HDX: variants seen among roughly 807,000 people sequenced by gnomAD.
HDX encodes highly divergent homeobox, also known as chromosome X open reading frame 43.
Under a neutral mutation model 45.2 loss-of-function variants are expected in HDX, and 19 were observed. The observed-to-expected ratio is 0.42, with a 90% CI of 0.29 to 0.62. HDX has a LOEUF of 0.62. Among genes scored for constraint, HDX ranks in the 20% least tolerant of loss-of-function variants. The pLI is 0.20. For missense variants in HDX, 532 were observed against 493.9 expected (o/e 1.08, Z -0.73); for synonymous variants, 188 against 172.8 (o/e 1.09, Z -0.69).
chrX:84,352,350 C>T (rs1045364012), intron 6 of HDX, among the ~76,000 whole-genome samples: 4 of 111,630 alleles, frequency 3.6e-5, no homozygotes, highest in African/African-American at 1.3e-4. Context: ...TTGTACACAC[C>T]AAAGAGAAAA....
At chrX:84,453,756 G>T (rs746942273) in intron 4 of HDX, among the ~76,000 whole-genome samples, 9 of 111,889 alleles carry the variant, frequency 8.0e-5, no homozygotes, top group Non-Finnish European at 1.5e-4. Context: ...CCAAGGGAGT[G>T]CTTGTGCCAG....
Position 84,354,972 on chromosome X carries a change from T to C in HDX, c.1452+6494A>G, listed in dbSNP as rs867125419. Among the ~76,000 whole-genome samples the C allele has an allele frequency of 6.5e-3, 460 of 70,881 alleles. 2 individuals are homozygous for C. Among genetic ancestry groups the C allele is most frequent in the African/African-American group, 0.015 (279 of 19,229 alleles). The allele number at this position is 70,881 out of a possible 115,157, so 61.6% of individuals were successfully genotyped here. A position where few individuals can be genotyped will look rare whatever the true frequency, so the allele number is the denominator to read the frequency against. On this transcript the variant is annotated intron_variant, in intron 6 of 10. Coordinates refer to ENST00000373177, the MANE Select transcript of HDX (RefSeq NM_001177479.2). Reference sequence around the variant, plus strand: ...ATATATATATATATATATATATATATACACATACATACACACACGCACACA... The same window carrying C: ...ATATATATATATATATATATATATACACACATACATACACACACGCACACA...
chrX:84,334,524 A>G (rs1261774337), intron 8 of HDX, among the ~76,000 whole-genome samples: 1 of 109,675 alleles, frequency 9.1e-6, no homozygotes, highest in Non-Finnish European at 1.9e-5. Context: ...CTTGTACAAT[A>G]TCTTGTCCAC....
chrX:84,377,903 G>T (rs1267940987), intron 5 of HDX, among the ~76,000 whole-genome samples: 1 of 110,809 alleles, frequency 9.0e-6, no homozygotes, highest in African/African-American at 3.3e-5. Flanking sequence ...AGTACAAAAG[G>T]TTTATAAATC....
At chrX:84,422,603 G>T (rs1294910821) in intron 5 of HDX, among the ~76,000 whole-genome samples, 1 of 108,723 alleles carries the variant, frequency 9.2e-6, no homozygotes, top group Non-Finnish European at 1.9e-5. Context: ...GTAAAGATCG[G>T]AGTAGAAATA....
chrX:84,372,821 G>A (rs1285643883), intron 5 of HDX, among the ~76,000 whole-genome samples: 2 of 111,222 alleles, frequency 1.8e-5, no homozygotes, highest in Admixed American at 1.9e-4. Flanking sequence ...ATTTACAGTA[G>A]GTGAGAGACA....
chrX:84,414,137 A>G (rs6524301), intron 5 of HDX, among the ~76,000 whole-genome samples: 20,872 of 111,076 alleles, frequency 0.19, 1,940 homozygotes, highest in East Asian at 0.68. Context: ...AAGTCCAATC[A>G]GTGTACCCCA....
chrX:84,465,164 A>G (rs1445512541), intron 4 of HDX, among the ~76,000 whole-genome samples: 1 of 112,291 alleles, frequency 8.9e-6, no homozygotes, highest in Non-Finnish European at 1.9e-5. Context: ...TTAAAAAGTC[A>G]GGAAACAACA....
chrX:84,364,949 A>G (rs1343264718), intron 5 of HDX, among the ~76,000 whole-genome samples: 1 of 111,063 alleles, frequency 9.0e-6, no homozygotes, highest in Non-Finnish European at 1.9e-5. Context: ...TTCCTTTTTA[A>G]GGTTAAATAA....
At chrX:84,486,450 T>C (rs984555098) in intron 2 of HDX, among the ~76,000 whole-genome samples, 1 of 111,654 alleles carries the variant, frequency 9.0e-6, no homozygotes, top group Non-Finnish European at 1.9e-5. Context: ...TTTAATTTGG[T>C]CTTTTTTTGT....
chrX:84,438,273 T>A, intron 5 of HDX, among the ~76,000 whole-genome samples: 1 of 111,483 alleles, frequency 9.0e-6, no homozygotes, highest in Admixed American at 9.6e-5. Flanking sequence ...ATAGTTCTAC[T>A]TTTTGGGGAA....
At chrX:84,393,406 T>C (rs1420842149) in intron 5 of HDX, among the ~76,000 whole-genome samples, 1 of 111,855 alleles carries the variant, frequency 8.9e-6, no homozygotes, top group Non-Finnish European at 1.9e-5. Context: ...TTTCTGGATG[T>C]GTTGTTGAAT....
At chrX:84,453,332 A>C (rs887425509) in intron 4 of HDX, among the ~76,000 whole-genome samples, 3 of 112,091 alleles carry the variant, frequency 2.7e-5, no homozygotes, top group African/African-American at 9.8e-5. Flanking sequence ...GATTGGAAAG[A>C]CAGTCTTTAA....
rs6623039 is a variant in HDX at position 84,497,768 on chromosome X, G to A, written c.-110+4574C>T. On this transcript the variant is annotated intron_variant, in intron 1 of 10. Transcript: ENST00000373177. ...GTGTGTGTATACACATAAATTTTTT[G>A]AAAAACAATGAAGATAGGCCTCACT... Among the ~76,000 whole-genome samples, 391 of 109,506 alleles carry A rather than the reference G, an allele frequency of 3.6e-3. 1 individual carries two copies. The highest frequency in any genetic ancestry group is 0.012 in the African/African-American group (355 of 30,102).
intron 5 of HDX, among the ~76,000 whole-genome samples, chrX:84,434,674 C>T (rs2039582319): frequency 9.0e-6 from 1 of 111,174 alleles, no homozygotes; most frequent in African/African-American, 3.3e-5. Context: ...CAGGGTTATG[C>T]TGGCCACATA....
intron 4 of HDX, among the ~76,000 whole-genome samples, chrX:84,449,717 G>A (rs1391679010): frequency 8.9e-6 from 1 of 112,094 alleles, no homozygotes; most frequent in Non-Finnish European, 1.9e-5. Flanking sequence ...AACACATGAA[G>A]GATAAATCCC....
chrX:84,460,267 G>A (rs915556919), intron 4 of HDX, among the ~76,000 whole-genome samples: 1 of 111,700 alleles, frequency 9.0e-6, no homozygotes, highest in African/African-American at 3.3e-5. Flanking sequence ...AAATATTCCT[G>A]ATGAATATTG....
At chrX:84,325,961 A>C (rs2036699490) in intron 10 of HDX, among the ~76,000 whole-genome samples, 1 of 112,016 alleles carries the variant, frequency 8.9e-6, no homozygotes, top group Middle Eastern at 4.6e-3. Flanking sequence ...CATTAAAAGC[A>C]TGTTAATCAA....
chrX:84,413,514 C>T (rs765743394), intron 5 of HDX, among the ~76,000 whole-genome samples: 2 of 111,330 alleles, frequency 1.8e-5, no homozygotes, highest in East Asian at 2.8e-4. Flanking sequence ...AGGAATCTGC[C>T]GTGTAGGAGC....
Sources: allele counts gnomAD v4.1 joint callset (sites outside exome capture counted in the v4.1 genomes callset), GRCh38; gene constraint gnomAD v4.1.1; transcripts MANE v1.5; gene names NCBI Gene and HGNC (gene_info 2026-07-23, HGNC 2026-07-21).